The following ARHGEF11 variants were observed in gnomAD, a reference collection of about 807,000 sequenced individuals.
ARHGEF11 encodes the protein Rho guanine exchange factor (GEF) 11.
Under a neutral mutation model 193.7 loss-of-function variants are expected in ARHGEF11, and 55 were observed. The observed-to-expected ratio is 0.28, with a 90% confidence interval of 0.23 to 0.36. The LOEUF is 0.36. Among genes scored for constraint, ARHGEF11 ranks in the 10% least tolerant of loss-of-function variants. ARHGEF11 has a pLI of 1.00. For synonymous variants in ARHGEF11, 693 were observed against 768.0 expected, an observed-to-expected ratio of 0.90 and a Z score of 1.62; for missense variants, 1,723 against 2,005.6, an observed-to-expected ratio of 0.86 and a Z score of 2.69.
rs1380585385 is a variant in ARHGEF11 at position 156,970,027 on chromosome 1, T to C, written c.719A>G (p.Tyr240Cys). ...TGATGGTCTCTGGCTGGTGTCACCA[T>C]ATAGTGGAAGTATGTCCTGAAACAG... ...TGGSVDILPL[Y>C]GDTSQRPSEG... Residue 240 changes from tyrosine to cysteine, a missense_variant, in exon 9 of 41, where the codon TAT becomes TGT. This residue lies in a region of ARHGEF11 where 646 missense variants were observed against 710.7 expected (regional missense o/e 0.91). Coordinates refer to ENST00000368194, the MANE Select transcript of ARHGEF11 (RefSeq NM_198236.3). The C allele has an allele frequency of 6.8e-6, 11 of 1,613,880 alleles. No homozygotes were observed. Among genetic ancestry groups the C allele is most frequent in the African/African-American group, 1.3e-5 (1 of 74,916 alleles).
In ARHGEF11 at chr1:156,939,748, C is replaced by G; in HGVS notation, c.3896G>C (p.Gly1299Ala). 1.2e-6 allele frequency: 2 copies of G among 1,614,058 alleles called. No individual in the cohort carries two copies. Among genetic ancestry groups the G allele is most frequent in the Non-Finnish European group, 1.7e-6 (2 of 1,179,986 alleles). Residue 1299 changes from glycine to alanine, a missense_variant, in exon 37 of 41, where the codon GGG (glycine) becomes GCG (alanine). Physicochemically the swap from Gly to Ala is moderately conservative, Grantham distance 60. Coordinates refer to ENST00000368194, the MANE Select transcript of ARHGEF11 (RefSeq NM_198236.3). ...AAGCTGGGTGTTGTCCCCTTCACCC[C>G]CAGGGGGTGCTTGCCCTGGGGAGCC... The part of the protein sequence containing the change: ...DPGSPGQAPP[G>A]GEGDNTQLAG...
At chr1:157,044,222 T>C (rs374572829) in intron 1 of ARHGEF11, 77 bp downstream of exon 1, 2 of 1,403,950 alleles carry the variant, frequency 1.4e-6, no homozygotes, top group African/African-American at 1.4e-5. Flanking sequence ...TTTTCAACCA[T>C]TTATTAAAAT....
At chr1:156,967,198 T>C (rs1661787825) in intron 11 of ARHGEF11, among the ~76,000 whole-genome samples, 1 of 152,220 alleles carries the variant, frequency 6.6e-6, no homozygotes, top group East Asian at 1.9e-4. Context: ...AATGACAGAT[T>C]TCCTTGAGAT....
intron 25 of ARHGEF11, 151 bp from the exon 26 acceptor site, chr1:156,947,601 C>A: frequency 3.0e-6 from 4 of 1,345,640 alleles, no homozygotes; most frequent in Non-Finnish European, 4.0e-6. Context: ...TCTCTTACTC[C>A]AAGGGCCAGA....
chr1:157,021,455 A>C (rs1201415973), intron 1 of ARHGEF11, among the ~76,000 whole-genome samples: 1 of 152,206 alleles, frequency 6.6e-6, no homozygotes, highest in Admixed American at 6.5e-5. Context: ...TTTCATTATC[A>C]CCTCAAATGG....
At chr1:157,018,969 C>T (rs1669630527) in intron 1 of ARHGEF11, among the ~76,000 whole-genome samples, 1 of 152,152 alleles carries the variant, frequency 6.6e-6, no homozygotes, top group African/African-American at 2.4e-5. Context: ...TCACACACTA[C>T]ACAAAAAGTA....
upstream of ARHGEF11, among the ~76,000 whole-genome samples, chr1:157,045,840 C>A (rs1056385620): frequency 2.0e-5 from 3 of 151,182 alleles, no homozygotes; most frequent in Non-Finnish European, 4.4e-5. Context: ...CCCTTCCCTC[C>A]CTCCTTCCCT....
chr1:157,026,781 A>G (rs1157955793), intron 1 of ARHGEF11, among the ~76,000 whole-genome samples: 1 of 152,206 alleles, frequency 6.6e-6, no homozygotes, highest in Non-Finnish European at 1.5e-5. Flanking sequence ...ACTTTCCAAA[A>G]TCAGTAAAGT....
At chr1:156,978,175 T>G (rs1043246377) in intron 6 of ARHGEF11, 29 bp downstream of exon 6, 1 of 1,613,634 alleles carries the variant, frequency 6.2e-7, no homozygotes, top group Non-Finnish European at 8.5e-7. Context: ...GACATTAGGG[T>G]GAGGAAAGAA....
At chr1:156,941,740 C>T (rs1397797564) in intron 34 of ARHGEF11, 124 bp downstream of exon 34, 2 of 1,406,198 alleles carry the variant, frequency 1.4e-6, no homozygotes, top group African/African-American at 1.4e-5. Context: ...TTGGAGCTGT[C>T]TGCTCCCTGC....
intron 3 of ARHGEF11, among the ~76,000 whole-genome samples, chr1:156,983,483 T>C (rs984773162): frequency 6.6e-6 from 1 of 152,174 alleles, no homozygotes; most frequent in Non-Finnish European, 1.5e-5. Context: ...CGGCCTCCCA[T>C]AGTGCTGAGA....
chr1:156,942,809 C>T, intron 32 of ARHGEF11, 29 bp from the exon 33 acceptor site: 1 of 1,598,330 alleles, frequency 6.3e-7, no homozygotes, highest in Non-Finnish European at 8.6e-7. Flanking sequence ...GTAGAAGGGT[C>T]TGTACTAGGG....
chr1:156,977,679 G>T (rs192980395), intron 6 of ARHGEF11, among the ~76,000 whole-genome samples: 76 of 152,312 alleles, frequency 5.0e-4, no homozygotes, highest in South Asian at 3.5e-3. Flanking sequence ...CCCACAAAGT[G>T]TTGGAATTAC....
intron 33 of ARHGEF11, 54 bp from the exon 34 acceptor site, chr1:156,942,043 C>A: frequency 6.2e-7 from 1 of 1,612,358 alleles, no homozygotes; most frequent in Non-Finnish European, 8.5e-7. Flanking sequence ...TAGCAGCACG[C>A]ACCACCCCGT....
chr1:156,936,491 A>ATATATAT (rs1553192701), intron 40 of ARHGEF11, among the ~76,000 whole-genome samples: 11 of 71,382 alleles, frequency 1.5e-4, no homozygotes, highest in African/African-American at 5.5e-4. Context: ...AAAAAAAAAA[A>ATATATAT]AAAAAAATAT....
intron 22 of ARHGEF11, among the ~76,000 whole-genome samples, chr1:156,950,242 T>G (rs932440804): frequency 1.5e-4 from 23 of 152,192 alleles, no homozygotes; most frequent in African/African-American, 5.1e-4. Context: ...GCAAAATCTT[T>G]TAACACGTGT....
intron 1 of ARHGEF11, among the ~76,000 whole-genome samples, chr1:156,996,668 GA>G: frequency 6.6e-6 from 1 of 150,922 alleles, no homozygotes; most frequent in Non-Finnish European, 1.5e-5. Context: ...AGCTACTCGG[GA>G]GGCTGAGGCA....
intron 1 of ARHGEF11, among the ~76,000 whole-genome samples, chr1:157,027,933 A>G (rs1209629810): frequency 6.6e-6 from 1 of 152,164 alleles, no homozygotes; most frequent in Non-Finnish European, 1.5e-5. Flanking sequence ...TGGGAAAGAG[A>G]AAGAGAGATC....
chr1:157,001,552 G>GT (rs1667209041), intron 1 of ARHGEF11, among the ~76,000 whole-genome samples: 1 of 152,196 alleles, frequency 6.6e-6, no homozygotes, highest in South Asian at 2.1e-4. Context: ...AACTCAACAT[G>GT]TAGCTGCCTG....
Sources: gnomAD v4.1 joint callset for allele counts (sites outside exome capture counted in the v4.1 genomes callset) on GRCh38, gnomAD v4.1.1 for gene constraint, gnomAD v4.1.1 regional missense constraint, MANE v1.5 for transcripts, NCBI Gene and HGNC (gene_info 2026-07-23, HGNC 2026-07-21) for gene names.